The following IAH1 variants were observed in gnomAD, a reference collection of about 807,000 sequenced individuals.
IAH1 encodes isoamyl acetate-hydrolyzing esterase 1 homolog.
Under a neutral mutation model 26.7 loss-of-function variants are expected in IAH1, and 24 were observed. That is an observed-to-expected ratio of 0.90 (90% confidence interval 0.65 to 1.26). The LOEUF is 1.26. Ranked by LOEUF, IAH1 falls within the 50% of genes most tolerant of loss-of-function variation. The pLI, the probability that IAH1 is intolerant of heterozygous loss-of-function variation, is 0.00. For synonymous variants in IAH1, 140 were observed against 118.5 expected (o/e 1.18, Z -1.18); for missense variants, 300 against 299.9 (o/e 1.00, Z 0.00).
chr2:9,474,556 C>T lies in IAH1; in HGVS notation c.-11C>T. 1 of 1,475,142 alleles carries T rather than the reference C, an allele frequency of 6.8e-7. No homozygotes were observed. The highest frequency in any genetic ancestry group is 8.9e-7 in the Non-Finnish European group (1 of 1,118,166). 91.4% of individuals were successfully genotyped at this position (1,475,142 alleles called of 1,614,324 possible). On this transcript the variant is annotated 5_prime_UTR_variant, in exon 1 of 6. Coordinates refer to ENST00000497473, the MANE Select transcript of IAH1 (RefSeq NM_001039613.3). The surrounding 1 kb of genome is among the most constrained non-coding windows in gnomAD (Gnocchi z 4.3). ...GGCTGGCGGCCCCGCCCCGCCCCGCCCGGCTGCTCCATGGCGCTGTGCGAG... is the reference window on the plus strand; with the variant it reads ...GGCTGGCGGCCCCGCCCCGCCCCGCTCGGCTGCTCCATGGCGCTGTGCGAG...
intron 1 of IAH1, chr2:9,475,165 G>A (rs1256493235): frequency 1.3e-5 from 17 of 1,288,098 alleles, no homozygotes; most frequent in African/African-American, 4.6e-5. Context: ...AGGACCATCC[G>A]TTCATCCAAG....
At chr2:9,499,278 C>G (rs964657903), downstream of IAH1, among the ~76,000 whole-genome samples, 1 of 151,896 alleles carries the variant, frequency 6.6e-6, no homozygotes, top group Non-Finnish European at 1.5e-5. Flanking sequence ...GTTTTACTTA[C>G]GTTTATTTAA....
At chr2:9,487,001 G>A (rs533392324) in intron 5 of IAH1, among the ~76,000 whole-genome samples, 205 of 152,150 alleles carry the variant, frequency 1.3e-3, no homozygotes, top group Non-Finnish European at 1.9e-3. Flanking sequence ...TGAGGCCAAG[G>A]TGGGAGTATT....
chr2:9,478,411 A>G (rs1477864804), intron 3 of IAH1, 41 bp downstream of exon 3: 2 of 1,520,032 alleles, frequency 1.3e-6, no homozygotes, highest in African/African-American at 2.8e-5. Context: ...ACTTTTAATC[A>G]TTTTTATGTT....
chr2:9,510,273 C>G, the IAH1 span: 26 of 939,866 alleles, frequency 2.8e-5, no homozygotes, highest in African/African-American at 2.3e-4. Flanking sequence ...AATACCAGCA[C>G]TTTAGGAGGC....
At chr2:9,510,132 C>A in the IAH1 span, 2 of 1,614,050 alleles carry the variant, frequency 1.2e-6, no homozygotes, top group African/African-American at 2.7e-5. Flanking sequence ...GGTCAGCTTC[C>A]TTAAGGATCA....
At chr2:9,502,023 G>T in the IAH1 span, 703 of 680,660 alleles carry the variant, frequency 1.0e-3, 4 homozygotes, top group African/African-American at 0.011. Context: ...CCAAAGCCAA[G>T]TGTCACAAAC....
chr2:9,482,655 T>C (rs1661253550), intron 4 of IAH1, among the ~76,000 whole-genome samples: 1 of 152,224 alleles, frequency 6.6e-6, no homozygotes, highest in African/African-American at 2.4e-5. Context: ...CTCAAGTCCT[T>C]ACTGTTGTAT....
downstream of IAH1, chr2:9,490,306 G>A (rs201360504): frequency 1.4e-3 from 2,189 of 1,614,204 alleles, 45 homozygotes; most frequent in South Asian, 0.023. Context: ...TGCTATTTGG[G>A]AAGGGGTCCT....
chr2:9,490,469 TTGA>T, downstream of IAH1: 1 of 1,614,058 alleles, frequency 6.2e-7, no homozygotes, highest in Non-Finnish European at 8.5e-7. Context: ...AGGAAAGGGT[TTGA>T]TAATGCGAAC....
At chr2:9,491,789 A>G (rs537017042), downstream of IAH1, among the ~76,000 whole-genome samples, 12 of 152,328 alleles carry the variant, frequency 7.9e-5, 1 homozygote, top group South Asian at 2.3e-3. Flanking sequence ...GGGTGCCATC[A>G]ATGCATTCTA....
the IAH1 span, chr2:9,502,200 T>C: frequency 3.7e-6 from 6 of 1,614,082 alleles, no homozygotes; most frequent in Non-Finnish European, 5.1e-6. Flanking sequence ...CCTTTGCAAG[T>C]AGCATTAATC....
At chr2:9,502,343 C>T in the IAH1 span, 2 of 1,389,192 alleles carry the variant, frequency 1.4e-6, no homozygotes, top group East Asian at 2.3e-5. Context: ...TCAAACGCTA[C>T]AGTTACGTTA....
At chr2:9,480,204 CTATT>C (rs1661085483) in intron 3 of IAH1, among the ~76,000 whole-genome samples, 1 of 152,070 alleles carries the variant, frequency 6.6e-6, no homozygotes, top group Non-Finnish European at 1.5e-5. Flanking sequence ...TTTTTGCAAA[CTATT>C]TATGGACACA....
At position 9,488,031 on chromosome 2, in the gene IAH1, C is replaced by T. The variant is rs907306852; in HGVS notation, c.565-116C>T. 7 of 680,268 alleles carry T rather than the reference C, an allele frequency of 1.0e-5. No individual in the cohort carries two copies. In the Admixed American group the frequency reaches 2.3e-4, roughly 22 times the overall value. The allele number at this position is 680,268 out of a possible 1,614,324, so 42.1% of individuals were successfully genotyped here. The stretch of plus-strand genomic sequence containing the variant: ...GTATTTTTAAAATTTTTTGTAGAGA[C>T]AGGGTCTCAAACTCCTGTCTTCCAG... On this transcript the variant is annotated intron_variant, in intron 5 of 5. Transcript: ENST00000497473.
At position 9,488,095 on chromosome 2, in the gene IAH1, G is replaced by A. The variant is rs1016505342; in HGVS notation, c.565-52G>A. ...CAAAGTGTTGGAATGACAGGGGTGA[G>A]CTACCACACGTGGCCAGTTACCCAC... On this transcript the variant is annotated intron_variant, in intron 5 of 5. Coordinates refer to ENST00000497473, the MANE Select transcript of IAH1 (RefSeq NM_001039613.3). 4 of 1,243,608 alleles carry A rather than the reference G, an allele frequency of 3.2e-6. No homozygotes were observed. The African/African-American group carries it at 4.6e-5, about 14-fold the overall frequency. 77.0% of individuals were successfully genotyped at this position (1,243,608 alleles called of 1,614,324 possible).
At chr2:9,497,386 G>A (rs533985812), downstream of IAH1, 34 of 1,097,568 alleles carry the variant, frequency 3.1e-5, no homozygotes, top group Admixed American at 3.5e-4. Flanking sequence ...GCTAGGACAA[G>A]AGCCTGCATC....
At chr2:9,493,867 A>G, downstream of IAH1, 1 of 1,523,834 alleles carries the variant, frequency 6.6e-7, no homozygotes, top group East Asian at 2.3e-5. Context: ...TCCCAAACAC[A>G]ATGTATTCAG....
chr2:9,480,611 T>C (rs13032363), intron 3 of IAH1, among the ~76,000 whole-genome samples: 34,874 of 152,190 alleles, frequency 0.23, 4,770 homozygotes, highest in Middle Eastern at 0.32. Context: ...CGGAAAGATA[T>C]ACATCCAAAT....
Sources: gnomAD v4.1 joint callset for allele counts (sites outside exome capture counted in the v4.1 genomes callset) on GRCh38, gnomAD v4.1.1 for gene constraint, Gnocchi (gnomAD v3.1) non-coding constraint, MANE v1.5 for transcripts, NCBI Gene and HGNC (gene_info 2026-07-23, HGNC 2026-07-21) for gene names.